The following TTN variants were observed in gnomAD, a reference collection of about 807,000 sequenced individuals.
TTN encodes connectin.
In TTN, 1,525 loss-of-function variants were observed where a neutral mutation model predicts 3,223.0. That is an observed-to-expected ratio of 0.47 (90% CI 0.45 to 0.49). The LOEUF is 0.49. TTN is among the 20% of genes least tolerant of loss of function. The pLI, the probability that TTN is intolerant of heterozygous loss-of-function variation, is 0.00. For synonymous variants in TTN, 14,094 were observed against 15,161.0 expected (o/e 0.93, Z 5.17); for missense variants, 40,786 against 43,424.0 (o/e 0.94, Z 5.40).
intron 142 of TTN, among the ~76,000 whole-genome samples, chr2:178,679,073 G>A (rs1270546827): frequency 6.6e-6 from 1 of 152,002 alleles, no homozygotes; most frequent in African/African-American, 2.4e-5. Flanking sequence ...TGATGGTTTT[G>A]TCCATTTTGA....
chr2:178,669,341 C>T (rs555612722), intron 159 of TTN, 32 bp downstream of exon 159: 56 of 1,491,690 alleles, frequency 3.8e-5, no homozygotes, highest in East Asian at 2.7e-4. Flanking sequence ...ATAAATGAAA[C>T]GAAAAAGAAC....
At chr2:178,727,932 A>T (rs2079641869) in intron 67 of TTN, 69 bp from the exon 68 acceptor site, 2 of 1,470,892 alleles carry the variant, frequency 1.4e-6, no homozygotes, top group South Asian at 2.9e-5. Context: ...AGTTTTATGG[A>T]CATTTAAGAA....
At position 178,677,758 on chromosome 2, in the gene TTN, A is replaced by G. The variant is rs1314011206; in HGVS notation, c.34154T>C (p.Leu11385Pro). ...AGGTGGAATTTCCTCTTCTTCAGGT[A>G]GAACTTCCTCTTCTTCAGGTAGAAC... The part of the protein sequence containing the change: ...EEVLPEEEEV[L>P]PEEEEIPPEE... Residue 11385 changes from leucine to proline, a missense_variant, in exon 146 of 363, where the codon CTA becomes CCA. Transcript: ENST00000589042. 1 of 1,608,708 alleles carries G rather than the reference A, an allele frequency of 6.2e-7. No homozygotes were observed. The highest frequency in any genetic ancestry group is 2.2e-5 in the East Asian group (1 of 44,766).
rs2072767041 is a variant in TTN, at chr2:178,692,725, T to C, written c.31595-145A>G. ...CTTTAGAAATGAGAGTAAATGAAGATGGCTGAATGGCTAATTAGAAAATGT... is the reference window on the plus strand; with the variant it reads ...CTTTAGAAATGAGAGTAAATGAAGACGGCTGAATGGCTAATTAGAAAATGT... On this transcript the variant is annotated intron_variant, in intron 119 of 362. Coordinates refer to ENST00000589042, the MANE Select transcript of TTN (RefSeq NM_001267550.2). 6 of 586,282 alleles carry C rather than the reference T, an allele frequency of 1.0e-5. No individual in the cohort carries two copies. The Admixed American group carries it at 1.1e-4, about 10-fold the overall frequency. The allele number at this position is 586,282 out of a possible 1,614,324, so 36.3% of individuals were successfully genotyped here.
chr2:178,528,172 A>G, intron 361 of TTN, 102 bp downstream of exon 361: 2 of 1,332,482 alleles, frequency 1.5e-6, no homozygotes, highest in Non-Finnish European at 2.0e-6. Context: ...TTTCACATGG[A>G]ATTTAATAAG....
chr2:178,582,698 A>G, intron 313 of TTN, 106 bp from the exon 314 acceptor site: 3 of 1,167,826 alleles, frequency 2.6e-6, no homozygotes, highest in South Asian at 4.3e-5. Context: ...TTCCTATATG[A>G]CCTAGGAGGT....
At position 178,548,083 on chromosome 2, in the gene TTN, T is replaced by C. The variant is rs1358160212; in HGVS notation, c.93543A>G (p.Glu31181=). The C allele has an allele frequency of 4.3e-6, 7 of 1,613,724 alleles. No homozygotes were observed. The African/African-American group carries it at 6.7e-5, about 15-fold the overall frequency. ...TCTTGGCCTTCACACGGAATTCATA[T>C]TCAGTTTTCTCAACAAGACGCTCTA... ...FTVERLVEKT[E]YEFRVKAKND... The change falls in exon 339 of 363, where the codon GAA becomes GAG. Residue 31181 remains glutamate (E), a synonymous_variant. Transcript: ENST00000589042. This position sits in a 1 kb window ranked among gnomAD's most constrained non-coding sequence, Gnocchi z 4.3.
intron 43 of TTN, 23 bp from the exon 44 acceptor site, chr2:178,759,195 T>C (rs1251121475): frequency 3.1e-6 from 5 of 1,613,352 alleles, no homozygotes; most frequent in East Asian, 2.2e-5. Flanking sequence ...AGAAAAGAGA[T>C]ACTTCAACCA....
At position 178,741,500 on chromosome 2, in the gene TTN, G is replaced by A. The variant is rs1267643090; in HGVS notation, c.11733C>T (p.Ser3911=). 1 of 1,613,718 alleles carries A rather than the reference G, an allele frequency of 6.2e-7. No homozygotes were observed. Among genetic ancestry groups the A allele is most frequent in the Non-Finnish European group, 8.5e-7 (1 of 1,179,780 alleles). The change falls in exon 48 of 363, where the codon TCC becomes TCT. Residue 3911 remains serine, a synonymous_variant. Transcript: ENST00000589042. The stretch of plus-strand genomic sequence containing the variant: ...CAGTGTCTTTGTGACCCTCTCCTTT[G>A]GAATTAATTTTTAGATAGGCACTAC... ...TICSAYLKIN[S]KGEGHKDTET...
At position 178,579,592 on chromosome 2, in the gene TTN, G is replaced by C. The variant is rs750847940; in HGVS notation, c.67605C>G (p.Ser22535Arg). The change falls in exon 319 of 363, where the codon AGC (serine) becomes AGG (arginine). Residue 22535 changes from serine to arginine, a missense_variant. Transcript: ENST00000589042. Reference sequence around the variant, plus strand: ...CATCCCTTGCCACAACAGTGATTTCGCTTGGGGTTCCTTCTCCATTTTCAT... The same window carrying C: ...CATCCCTTGCCACAACAGTGATTTCCCTTGGGGTTCCTTCTCCATTTTCAT... ...AENENGEGTPSEITVVARDDV... is the reference protein window; with the variant it reads ...AENENGEGTPREITVVARDDV... The C allele has an allele frequency of 1.7e-5, 27 of 1,613,088 alleles. No individual in the cohort carries two copies. The highest frequency in any genetic ancestry group is 2.1e-5 in the Non-Finnish European group (25 of 1,179,488).
intron 316 of TTN, chr2:178,581,015 T>C (rs56372427): frequency 0.022 from 3,780 of 169,144 alleles, 67 homozygotes; most frequent in East Asian, 0.062. Flanking sequence ...GAAAAGTACC[T>C]GGAGGGTGAC....
chr2:178,575,712 T>C lies in TTN; in HGVS notation c.70420A>G (p.Lys23474Glu). 1 of 1,613,588 alleles carries C rather than the reference T, an allele frequency of 6.2e-7. No individual in the cohort carries two copies. Among genetic ancestry groups the C allele is most frequent in the Non-Finnish European group, 8.5e-7 (1 of 1,179,652 alleles). The change falls in exon 326 of 363, where the codon AAA becomes GAA. Residue 23474 changes from lysine (K) to glutamate (E), a missense_variant. By Grantham distance (56) the Lys-to-Glu change is moderately conservative. Coordinates refer to ENST00000589042, the MANE Select transcript of TTN (RefSeq NM_001267550.2). The surrounding 1 kb of genome is among the most constrained non-coding windows in gnomAD (Gnocchi z 4.0). ...TAAGATTTCCGTGTTGCTTCACGTTTCTCTACAATGTAGTTTGTTATACGT... is the reference window on the plus strand; with the variant it reads ...TAAGATTTCCGTGTTGCTTCACGTTCCTCTACAATGTAGTTTGTTATACGT... ...GSRITNYIVEKREATRKSYST... is the reference protein window; with the variant it reads ...GSRITNYIVEEREATRKSYST...
Position 178,770,645 on chromosome 2 carries a change from A to G in TTN, c.8147T>C (p.Leu2716Pro), listed in dbSNP as rs752870590. 2.5e-6 allele frequency: 4 copies of G among 1,613,516 alleles called. No homozygotes were observed. In the Admixed American group the frequency reaches 6.7e-5, roughly 27 times the overall value. The part of the protein sequence containing the change: ...AVKIKKTLKN[L>P]TVTETQDAVF... The stretch of plus-strand genomic sequence containing the variant: ...AGCATCCTGTGTTTCTGTCACTGTG[A>G]GGTTCTTCAGAGTCTTCTTAATTTT... The change falls in exon 35 of 363, where the codon CTC becomes CCC. Residue 2716 changes from leucine to proline, a missense_variant. Leu to Pro is a moderately conservative substitution (Grantham distance 98). Coordinates refer to ENST00000589042, the MANE Select transcript of TTN (RefSeq NM_001267550.2).
Position 178,790,958 on chromosome 2 carries a change from G to A in TTN, c.1663-113C>T, listed in dbSNP as rs2093458559. 3 of 1,328,122 alleles carry A rather than the reference G, an allele frequency of 2.3e-6. No individual in the cohort carries two copies. The Admixed American group carries it at 5.9e-5, about 26-fold the overall frequency. 82.3% of individuals were successfully genotyped at this position (1,328,122 alleles called of 1,614,324 possible). A position where few individuals can be genotyped will look rare whatever the true frequency, so the allele number is the denominator to read the frequency against. On this transcript the variant is annotated intron_variant, in intron 10 of 362. Transcript: ENST00000589042. ...GATGCTTAGTGGTGAACGATAAAAT[G>A]TCAGATTTCCATTTCAGGGGCCTAC...
Position 178,574,092 on chromosome 2 carries a change from G to A in TTN, c.72040C>T (p.Pro24014Ser), listed in dbSNP as rs754034457. The change falls in exon 326 of 363, where the codon CCA becomes TCA. Residue 24014 changes from proline (P) to serine (S), a missense_variant. Pro to Ser is a moderately conservative substitution (Grantham distance 74, BLOSUM62 -1). Coordinates refer to ENST00000589042, the MANE Select transcript of TTN (RefSeq NM_001267550.2). Reference sequence around the variant, plus strand: ...TCCCTGCAAGTGATAGCATCAGATGGCTCAGATGGTGGACTGATGGCACCT... The same window carrying A: ...TCCCTGCAAGTGATAGCATCAGATGACTCAGATGGTGGACTGATGGCACCT... Reference protein sequence around the residue: ...AAGAISPPSEPSDAITCRDDV... With the variant: ...AAGAISPPSESSDAITCRDDV... 2.6e-5 allele frequency: 42 copies of A among 1,613,328 alleles called. No individual in the cohort carries two copies. The highest frequency in any genetic ancestry group is 3.4e-5 in the Non-Finnish European group (40 of 1,179,574).
At chr2:178,758,171 A>G (rs906797045) in intron 44 of TTN, among the ~76,000 whole-genome samples, 4 of 152,194 alleles carry the variant, frequency 2.6e-5, no homozygotes, top group African/African-American at 9.7e-5. Flanking sequence ...GGAGTACCCA[A>G]CAGGGTTTTG....
chr2:178,562,420 A>G lies in TTN; in HGVS notation c.83712T>C (p.Thr27904=), dbSNP rs772093477. 1.2e-6 allele frequency: 2 copies of G among 1,612,948 alleles called. No homozygotes were observed. Among genetic ancestry groups the G allele is most frequent in the South Asian group, 2.2e-5 (2 of 90,852 alleles). ...KITGYVVEMQ[T]KGSEKWSTCT... is the part of the protein sequence containing the mutation. The stretch of plus-strand genomic sequence containing the variant: ...AGGTGCTCCACTTTTCACTCCCTTT[A>G]GTCTGCATTTCAACCACATAACCAG... Residue 27904 remains threonine, a synonymous_variant, in exon 326 of 363, where the codon ACT becomes ACC. Coordinates refer to ENST00000589042, the MANE Select transcript of TTN (RefSeq NM_001267550.2).
In TTN at chr2:178,560,396, C is replaced by G. The variant is rs767264941; in HGVS notation, c.85736G>C (p.Gly28579Ala). The G allele has an allele frequency of 6.2e-7, 1 of 1,613,650 alleles. No homozygotes were observed. Among genetic ancestry groups the G allele is most frequent in the Non-Finnish European group, 8.5e-7 (1 of 1,179,784 alleles). Residue 28579 changes from glycine to alanine, a missense_variant, in exon 326 of 363, where the codon GGT becomes GCT. Transcript: ENST00000589042. ...LCWSRPESDG[G>A]SEISGYIIER... ...AATTATATATCCAGATATTTCACTA[C>G]CTCCATCACTCTCGGGTCTTGACCA...
At chr2:178,747,672 GT>G (rs761372540) in intron 47 of TTN, 1 of 1,613,098 alleles carries the variant, frequency 6.2e-7, no homozygotes, top group Non-Finnish European at 8.5e-7. Context: ...CCAGCAGCAA[GT>G]AAATATTGTG....
Sources: allele counts gnomAD v4.1 joint callset (sites outside exome capture counted in the v4.1 genomes callset), GRCh38; gene constraint gnomAD v4.1.1; non-coding constraint Gnocchi (gnomAD v3.1); transcripts MANE v1.5; gene names NCBI Gene and HGNC (gene_info 2026-07-23, HGNC 2026-07-21).